Variants in PLB1 observed in about 807,000 individuals in gnomAD.
The protein encoded by PLB1 is phospholipase B1.
PLB1 carries 242 observed loss-of-function variants against 227.4 expected under a neutral mutation model. The ratio of observed to expected loss-of-function variants is 1.06; its 90% CI spans 0.96 to 1.18. The LOEUF (loss-of-function observed/expected upper bound fraction) is 1.18, where lower values mean the gene tolerates loss of function less well. PLB1 is among the 50% of genes most tolerant of loss of function. The pLI is 0.00. For missense variants in PLB1, 1,858 were observed against 1,816.3 expected (o/e 1.02, Z -0.42); for synonymous variants, 757 against 682.2 (o/e 1.11, Z -1.71).
chr2:28,556,302 G>T (rs1364222399), intron 17 of PLB1, among the ~76,000 whole-genome samples: 4 of 152,148 alleles, frequency 2.6e-5, no homozygotes, highest in Admixed American at 6.5e-5. Context: ...CCATGGCCCT[G>T]GCAACTTGGG....
chr2:28,543,241 G>A lies in PLB1; in HGVS notation c.909G>A (p.Thr303=), dbSNP rs777218378. Residue 303 remains threonine, a synonymous_variant, in exon 14 of 58, where the codon ACG becomes ACA. Coordinates refer to ENST00000327757, the MANE Select transcript of PLB1 (RefSeq NM_153021.5). ...SEDPRLQDST[T]LAWHLWNRMM... is the part of the protein sequence containing the mutation. ...ACCCCCGACTCCAGGATTCTACCACGCTGGCCTGGCATCTCTGGAATAGGA... is the reference window on the plus strand; with the variant it reads ...ACCCCCGACTCCAGGATTCTACCACACTGGCCTGGCATCTCTGGAATAGGA... 8.7e-6 allele frequency: 14 copies of A among 1,612,284 alleles called. No individual in the cohort carries two copies. Among genetic ancestry groups the A allele is most frequent in the African/African-American group, 4.0e-5 (3 of 74,900 alleles).
At chr2:28,520,585 C>G (rs1451979570) in intron 4 of PLB1, among the ~76,000 whole-genome samples, 4 of 152,158 alleles carry the variant, frequency 2.6e-5, no homozygotes, top group Non-Finnish European at 5.9e-5. Flanking sequence ...AAACACTCTA[C>G]CCATGAAATA....
chr2:28,634,815 G>A (rs928070722), intron 56 of PLB1, among the ~76,000 whole-genome samples: 4 of 152,118 alleles, frequency 2.6e-5, no homozygotes, highest in South Asian at 2.1e-4. Flanking sequence ...GAAGGCTGAC[G>A]TGAGAAGATC....
At chr2:28,514,427 G>T (rs1208604274) in intron 1 of PLB1, among the ~76,000 whole-genome samples, 2 of 152,038 alleles carry the variant, frequency 1.3e-5, no homozygotes, top group Non-Finnish European at 2.9e-5. Context: ...TAGGTCGTTT[G>T]CCTCTTAATA....
In PLB1 at chr2:28,633,022, G is replaced by A. The variant is rs749695328; in HGVS notation, c.4081G>A (p.Ala1361Thr). 26 of 1,611,740 alleles carry A rather than the reference G, an allele frequency of 1.6e-5. No homozygotes were observed. The highest frequency in any genetic ancestry group is 1.6e-4 in the Middle Eastern group (1 of 6,084). ...CCGCGGGCATGCCGAGATGGCCATC[G>A]CACTCTGGAACAACATGGTGAGCAG... Reference protein sequence around the residue: ...SDRGHAEMAIALWNNMLEPVG... With the variant: ...SDRGHAEMAITLWNNMLEPVG... Residue 1361 changes from alanine to threonine, a missense_variant, in exon 56 of 58, where the codon GCA becomes ACA. Physicochemically the swap from Ala to Thr is moderately conservative, Grantham distance 58. Coordinates refer to ENST00000327757, the MANE Select transcript of PLB1 (RefSeq NM_153021.5).
In PLB1 at chr2:28,636,053, A is replaced by G. The variant is rs199589573; in HGVS notation, c.4098+3014A>G. ...TATGTGTGTGTGTGTATGTATGTGT[A>G]TGTGTGTATGTATGTATGTATGTAT... On this transcript the variant is annotated intron_variant, in intron 56 of 57. Transcript: ENST00000327757. Among the ~76,000 whole-genome samples the G allele has an allele frequency of 2.1e-4, 8 of 38,506 alleles. No homozygotes were observed. The South Asian group carries it at 4.2e-3, about 20-fold the overall frequency. 25.3% of individuals were successfully genotyped at this position (38,506 alleles called of 152,430 possible). A position where few individuals can be genotyped will look rare whatever the true frequency, so the allele number is the denominator to read the frequency against.
At chr2:28,640,833 C>T (rs538584424) in intron 56 of PLB1, 94 bp from the exon 57 acceptor site, 137 of 1,308,560 alleles carry the variant, frequency 1.0e-4, no homozygotes, top group Non-Finnish European at 9.8e-5. Flanking sequence ...CCACCCCGTT[C>T]CCGAGGGAGG....
chr2:28,506,410 G>A (rs1667642168), intron 1 of PLB1, among the ~76,000 whole-genome samples: 1 of 152,136 alleles, frequency 6.6e-6, no homozygotes, highest in East Asian at 1.9e-4. Flanking sequence ...GGCAATGATG[G>A]GTTTGAGGAA....
At chr2:28,571,780 C>A (rs973046749) in intron 20 of PLB1, among the ~76,000 whole-genome samples, 3 of 151,966 alleles carry the variant, frequency 2.0e-5, no homozygotes, top group African/African-American at 4.8e-5. Context: ...ACACTTTATA[C>A]AAAAATTCAC....
intron 17 of PLB1, 99 bp from the exon 18 acceptor site, chr2:28,562,942 T>C: frequency 8.2e-7 from 1 of 1,224,412 alleles, no homozygotes; most frequent in Non-Finnish European, 1.2e-6. Context: ...ACTGACTTTT[T>C]CTTTGTTATC....
intron 54 of PLB1, 91 bp downstream of exon 54, chr2:28,630,755 C>T: frequency 9.5e-7 from 1 of 1,053,730 alleles, no homozygotes; most frequent in Non-Finnish European, 1.4e-6. Context: ...AGGATGTGGC[C>T]AAGAGCAAGC....
At chr2:28,524,702 G>A (rs994537630) in intron 4 of PLB1, among the ~76,000 whole-genome samples, 5 of 152,244 alleles carry the variant, frequency 3.3e-5, no homozygotes, top group African/African-American at 9.6e-5. Context: ...ACTTTAGGGG[G>A]CATTGAAATC....
intron 44 of PLB1, among the ~76,000 whole-genome samples, chr2:28,616,622 T>G (rs1417123527): frequency 6.6e-6 from 1 of 152,254 alleles, no homozygotes; most frequent in African/African-American, 2.4e-5. Flanking sequence ...TCACCAACTA[T>G]CTGAGATATA....
chr2:28,573,351 G>T, intron 21 of PLB1, 46 bp downstream of exon 21: 1 of 1,447,650 alleles, frequency 6.9e-7, no homozygotes, highest in South Asian at 1.1e-5. Context: ...GTCCTCTGAG[G>T]ACCAGGGGTG....
At chr2:28,642,529 A>C (rs761909277) in intron 57 of PLB1, among the ~76,000 whole-genome samples, 4 of 152,196 alleles carry the variant, frequency 2.6e-5, no homozygotes, top group Non-Finnish European at 4.4e-5. Context: ...ACCACGAGGA[A>C]GCAGAGGTGG....
intron 14 of PLB1, among the ~76,000 whole-genome samples, chr2:28,546,054 G>A (rs1673210304): frequency 6.9e-6 from 1 of 144,916 alleles, no homozygotes; most frequent in Non-Finnish European, 1.5e-5. Flanking sequence ...GACCAGCAAA[G>A]GAAAAGCTCC....
chr2:28,633,329 A>G (rs3752900), intron 56 of PLB1: 104,300 of 396,238 alleles, frequency 0.26, 14,110 homozygotes, highest in East Asian at 0.3. Flanking sequence ...TAGGTTGGCT[A>G]GATGAAAATA....
chr2:28,575,407 A>G (rs1015220618), intron 21 of PLB1, among the ~76,000 whole-genome samples: 7 of 152,108 alleles, frequency 4.6e-5, no homozygotes, highest in African/African-American at 1.7e-4. Context: ...TCACACTACC[A>G]TGTGGTTCCT....
At chr2:28,571,292 G>C (rs1170211494) in intron 20 of PLB1, among the ~76,000 whole-genome samples, 1 of 152,038 alleles carries the variant, frequency 6.6e-6, no homozygotes, top group Non-Finnish European at 1.5e-5. Flanking sequence ...ACAAAACATT[G>C]CTGTAAGAAA....
Sources: allele counts gnomAD v4.1 joint callset (sites outside exome capture counted in the v4.1 genomes callset), GRCh38; gene constraint gnomAD v4.1.1; transcripts MANE v1.5; gene names NCBI Gene and HGNC (gene_info 2026-07-23, HGNC 2026-07-21).